The following GPR158 variants were observed in gnomAD, a reference collection of about 807,000 sequenced individuals.
GPR158 encodes the protein metabotropic glycine receptor.
In GPR158, 30 loss-of-function variants were observed where a neutral mutation model predicts 78.2. That is an observed-to-expected ratio of 0.38 (90% CI 0.29 to 0.52). The LOEUF is 0.52. GPR158 is among the 20% of genes least tolerant of loss of function. The probability of loss-of-function intolerance (pLI) is 0.83; values close to 1 mark genes in which losing one functional copy is unlikely to be tolerated. For missense variants in GPR158, 1,463 were observed against 1,523.5 expected, an observed-to-expected ratio of 0.96 and a Z score of 0.66; for synonymous variants, 581 against 591.1, an observed-to-expected ratio of 0.98 and a Z score of 0.25.
intron 5 of GPR158, among the ~76,000 whole-genome samples, chr10:25,521,183 T>C (rs1376583508): frequency 1.3e-5 from 2 of 152,250 alleles, no homozygotes; most frequent in Non-Finnish European, 2.9e-5. Context: ...CCTGACCCCT[T>C]GCGCTTCCCA....
chr10:25,598,780 C>A lies in GPR158; in HGVS notation c.3154C>A (p.Pro1052Thr). 1 of 1,614,072 alleles carries A rather than the reference C, an allele frequency of 6.2e-7. No homozygotes were observed. Among genetic ancestry groups the A allele is most frequent in the Non-Finnish European group, 8.5e-7 (1 of 1,180,014 alleles). ...FSLKEKSHHK[P>T]KAAEVCQQSN... ...CTTAAAGGAGAAATCTCACCACAAG[C>A]CTAAGGCAGCTGAGGTTTGTCAGCA... The change falls in exon 11 of 11, where the codon CCT (proline) becomes ACT (threonine). Residue 1052 changes from proline (P) to threonine (T), a missense_variant. Coordinates refer to ENST00000376351, the MANE Select transcript of GPR158 (RefSeq NM_020752.3).
Position 25,601,853 on chromosome 10 carries a change from A to T in GPR158, c.*2579A>T, listed in dbSNP as rs1837503513. 6.6e-6 allele frequency: 1 copy of T among 152,644 alleles called. No individual in the cohort carries two copies. The highest frequency in any genetic ancestry group is 1.5e-5 in the Non-Finnish European group (1 of 68,040). The allele number at this position is 152,644 out of a possible 1,614,324, so 9.5% of individuals were successfully genotyped here. On this transcript the variant is annotated 3_prime_UTR_variant, in exon 11 of 11. Transcript: ENST00000376351. ...TTTATAAATAAGTAGATTTATACCA[A>T]TCTTAATAGAATTGTATATTTTATG...
intron 7 of GPR158, among the ~76,000 whole-genome samples, chr10:25,578,285 G>C (rs1172650339): frequency 6.6e-6 from 1 of 152,190 alleles, no homozygotes; most frequent in Non-Finnish European, 1.5e-5. Context: ...CCCTGACACC[G>C]ACAGAGAACC....
chr10:25,179,836 C>A (rs1801639890), intron 1 of GPR158, among the ~76,000 whole-genome samples: 1 of 152,066 alleles, frequency 6.6e-6, no homozygotes, highest in Admixed American at 6.6e-5. Flanking sequence ...TTAAGATATA[C>A]CCTGAAAATA....
At chr10:25,348,620 A>C (rs568265203) in intron 2 of GPR158, among the ~76,000 whole-genome samples, 1 of 152,014 alleles carries the variant, frequency 6.6e-6, no homozygotes, top group Non-Finnish European at 1.5e-5. Context: ...GAAACTGAAC[A>C]CTTATCTCCC....
Position 25,211,392 on chromosome 10 carries a change from T to C in GPR158, c.903-9660T>C, listed in dbSNP as rs144226600. 1.2e-4 allele frequency among the ~76,000 whole-genome samples: 18 copies of C among 152,240 alleles called. No individual in the cohort carries two copies. In the East Asian group the frequency reaches 2.3e-3, roughly 20 times the overall value. The stretch of plus-strand genomic sequence containing the variant: ...AAGTCCATTGTTGGGAGGCCACACG[T>C]GGTGAGGGTCTTGTTGCTGTGTCAT... On this transcript the variant is annotated intron_variant, in intron 1 of 10. Coordinates refer to ENST00000376351, the MANE Select transcript of GPR158 (RefSeq NM_020752.3).
intron 8 of GPR158, among the ~76,000 whole-genome samples, chr10:25,590,078 C>T (rs770604934): frequency 3.3e-5 from 5 of 152,010 alleles, no homozygotes; most frequent in East Asian, 1.9e-4. Context: ...AATGGAAGAG[C>T]GGGTGGGAGA....
rs181820185 is a variant in GPR158, at chr10:25,204,327, G to T, written c.903-16725G>T. Among the ~76,000 whole-genome samples the T allele has an allele frequency of 3.0e-4, 45 of 152,264 alleles. No individual in the cohort carries two copies. The East Asian group carries it at 8.1e-3, about 27-fold the overall frequency. On this transcript the variant is annotated intron_variant, in intron 1 of 10. Transcript: ENST00000376351. Reference sequence around the variant, plus strand: ...TGTTGAGAGAAAGCATCCCTGTCTTGTGCCAGTTTTCAAAGGGAAAGCTTC... The same window carrying T: ...TGTTGAGAGAAAGCATCCCTGTCTTTTGCCAGTTTTCAAAGGGAAAGCTTC...
intron 5 of GPR158, among the ~76,000 whole-genome samples, chr10:25,505,885 T>C (rs1057028698): frequency 1.3e-5 from 2 of 152,236 alleles, no homozygotes; most frequent in African/African-American, 4.8e-5. Context: ...GACCCAAGCT[T>C]TCCTCCCTGT....
chr10:25,378,607 A>G (rs1458157424), intron 2 of GPR158, among the ~76,000 whole-genome samples: 1 of 96,460 alleles, frequency 1.0e-5, no homozygotes, highest in Non-Finnish European at 2.6e-5. Flanking sequence ...TCTCTTTGCC[A>G]GTTAGGCATA....
At chr10:25,524,664 A>G (rs145930797) in intron 5 of GPR158, among the ~76,000 whole-genome samples, 78 of 152,334 alleles carry the variant, frequency 5.1e-4, no homozygotes, top group African/African-American at 1.8e-3. Context: ...TAAATGGAAG[A>G]GCCAAAACTG....
chr10:25,304,706 T>G (rs1854644645), intron 2 of GPR158, among the ~76,000 whole-genome samples: 2 of 152,158 alleles, frequency 1.3e-5, no homozygotes, highest in South Asian at 4.1e-4. Flanking sequence ...ATCGACGAAC[T>G]TAAGCAGTTT....
intron 2 of GPR158, among the ~76,000 whole-genome samples, chr10:25,356,661 G>C (rs1301372358): frequency 1.3e-5 from 2 of 152,064 alleles, no homozygotes; most frequent in African/African-American, 4.8e-5. Flanking sequence ...GATGTGACTT[G>C]CTCATCCTTG....
At chr10:25,389,207 A>G (rs559962756) in intron 2 of GPR158, among the ~76,000 whole-genome samples, 3 of 152,252 alleles carry the variant, frequency 2.0e-5, no homozygotes, top group East Asian at 3.9e-4. Flanking sequence ...ATGGCCACCC[A>G]TGGACCAATG....
In GPR158 at chr10:25,601,455, T is replaced by A. The variant is rs1358330309; in HGVS notation, c.*2181T>A. On this transcript the variant is annotated 3_prime_UTR_variant, in exon 11 of 11. Coordinates refer to ENST00000376351, the MANE Select transcript of GPR158 (RefSeq NM_020752.3). ...GACCCACATATTTGTTTCATTTATG[T>A]CTGAAATCTGTTAGCACTTGATTCC... 6.6e-6 allele frequency: 1 copy of A among 152,634 alleles called. No individual in the cohort carries two copies. The highest frequency in any genetic ancestry group is 1.5e-5 in the Non-Finnish European group (1 of 68,042). 9.5% of individuals were successfully genotyped at this position (152,634 alleles called of 1,614,324 possible).
At chr10:25,177,731 T>C (rs1022713201) in intron 1 of GPR158, among the ~76,000 whole-genome samples, 1 of 152,240 alleles carries the variant, frequency 6.6e-6, no homozygotes, top group Non-Finnish European at 1.5e-5. Flanking sequence ...CTTTTAATGT[T>C]GGCAACACTT....
At chr10:25,318,374 G>A (rs1047814950) in intron 2 of GPR158, among the ~76,000 whole-genome samples, 9 of 151,828 alleles carry the variant, frequency 5.9e-5, no homozygotes, top group East Asian at 5.8e-4. Context: ...GGTCATTTCC[G>A]TGTAATTACA....
At chr10:25,391,171 G>T (rs1242380680) in intron 2 of GPR158, among the ~76,000 whole-genome samples, 3 of 152,128 alleles carry the variant, frequency 2.0e-5, no homozygotes, top group Non-Finnish European at 4.4e-5. Flanking sequence ...TGCTGCAGGG[G>T]TGGGTCCCTC....
Position 25,565,804 on chromosome 10 carries a change from C to T in GPR158, c.1515-6845C>T, listed in dbSNP as rs867286936. On this transcript the variant is annotated intron_variant, in intron 6 of 10. Coordinates refer to ENST00000376351, the MANE Select transcript of GPR158 (RefSeq NM_020752.3). ...CCAAAGAACTGGTGTGGCGGCTGAC[C>T]GTGGTGAGTGATAGAGACAGGGGAC... Among the ~76,000 whole-genome samples, 64 of 152,136 alleles carry T rather than the reference C, an allele frequency of 4.2e-4. 1 individual carries two copies. The highest frequency in any genetic ancestry group is 6.8e-3 in the Middle Eastern group (2 of 292).
Sources: gnomAD v4.1 joint callset for allele counts (sites outside exome capture counted in the v4.1 genomes callset) on GRCh38, gnomAD v4.1.1 for gene constraint, MANE v1.5 for transcripts, NCBI Gene and HGNC (gene_info 2026-07-23, HGNC 2026-07-21) for gene names.